The following PAK4 variants were observed in gnomAD, a reference collection of about 807,000 sequenced individuals.
PAK4 encodes the protein p21 (RAC1) activated kinase 4.
In PAK4, 49 loss-of-function variants were observed where a neutral mutation model predicts 53.5. That is an observed-to-expected ratio of 0.92 (90% CI 0.73 to 1.16). The LOEUF (loss-of-function observed/expected upper bound fraction) is 1.16. PAK4 is among the 50% of genes most tolerant of loss of function. PAK4 has a pLI of 0.00. For synonymous variants in PAK4, 376 were observed against 375.6 expected (o/e 1.00, Z -0.01); for missense variants, 824 against 850.7 (o/e 0.97, Z 0.39).
intron 1 of PAK4, among the ~76,000 whole-genome samples, chr19:39,157,928 G>A (rs940723311): frequency 2.0e-5 from 3 of 152,198 alleles, no homozygotes; most frequent in Non-Finnish European, 2.9e-5. Flanking sequence ...CTTAGGACTC[G>A]GCTCTATGTG....
rs753086242 is a variant in PAK4 at position 39,169,590 on chromosome 19, G to T, written c.37G>T (p.Ala13Ser). 1.5e-5 allele frequency: 25 copies of T among 1,613,436 alleles called. No individual in the cohort carries two copies. In the Admixed American group the frequency reaches 1.7e-4, roughly 11 times the overall value. The change falls in exon 2 of 9, where the codon GCG (alanine) becomes TCG (serine). Residue 13 changes from alanine (A) to serine (S), a missense_variant. By Grantham distance (99) the Ala-to-Ser change is moderately conservative. Around this residue, in one of 2 missense-constraint regions of PAK4, gnomAD observed 478 missense variants for 435.8 expected, o/e 1.10. Coordinates refer to ENST00000358301, the Ensembl canonical transcript of PAK4. Reference sequence around the variant, plus strand: ...GAGGAAGAAGCGGGTGGAGATCTCCGCGCCGTCCAACTTCGAGCACCGCGT... The same window carrying T: ...GAGGAAGAAGCGGGTGGAGATCTCCTCGCCGTCCAACTTCGAGCACCGCGT...
At chr19:39,172,849 G>A (rs879641383) in intron 2 of PAK4, 69 bp from the exon 4 acceptor site, 65 of 1,295,722 alleles carry the variant, frequency 5.0e-5, no homozygotes, top group South Asian at 2.0e-4. Context: ...CTGTCCCTGC[G>A]TGTCGGATGC....
At chr19:39,148,242 G>A (rs563758682) in intron 1 of PAK4, among the ~76,000 whole-genome samples, 4 of 150,612 alleles carry the variant, frequency 2.7e-5, no homozygotes, top group African/African-American at 7.3e-5. Context: ...GTGAGCCACC[G>A]TGCCTGGCGA....
At chr19:39,158,045 C>T (rs1568513487) in intron 1 of PAK4, among the ~76,000 whole-genome samples, 1 of 151,248 alleles carries the variant, frequency 6.6e-6, no homozygotes, top group African/African-American at 2.4e-5. Flanking sequence ...TGTATGTGAG[C>T]ATGTATTTGT....
chr19:39,175,219 T>C lies in PAK4; in HGVS notation c.1233-93T>C, dbSNP rs563119400. 6 of 1,481,492 alleles carry C rather than the reference T, an allele frequency of 4.0e-6. No individual in the cohort carries two copies. The highest frequency in any genetic ancestry group is 4.6e-6 in the Non-Finnish European group (5 of 1,092,984). The allele number at this position is 1,481,492 out of a possible 1,614,324, so 91.8% of individuals were successfully genotyped here. A position where few individuals can be genotyped will look rare whatever the true frequency, so the allele number is the denominator to read the frequency against. On this transcript the variant is annotated intron_variant, in intron 5 of 8. Coordinates refer to ENST00000358301, the Ensembl canonical transcript of PAK4. This position sits in a 1 kb window ranked among gnomAD's most constrained non-coding sequence, Gnocchi z 4.7. ...CACTCCAGAGTGGGGTCGAGTGGTC[T>C]CAGATTCCTCCCACTGCAAGGCAGG...
In PAK4 at chr19:39,138,432, C is replaced by T. The variant is rs76026411; in HGVS notation, c.-23+12513C>T. Among the ~76,000 whole-genome samples, 1,204 of 152,326 alleles carry T rather than the reference C, an allele frequency of 7.9e-3. 20 individuals are homozygous for T. The highest frequency in any genetic ancestry group is 0.024 in the African/African-American group (980 of 41,570). On this transcript the variant is annotated intron_variant, in intron 1 of 8. Transcript: ENST00000358301. ...GTCAGTGTATGTACGTGTGCTCGTG[C>T]GCACACACCTGACACTGAGTCTCCC...
At chr19:39,174,121 C>A in intron 4 of PAK4, 111 bp downstream of exon 5, 1 of 731,480 alleles carries the variant, frequency 1.4e-6, no homozygotes, top group Non-Finnish European at 2.3e-6. Flanking sequence ...CCAGGCTCCC[C>A]TCCTCCCCTC....
At chr19:39,170,190 G>A (rs1324835260) in intron 2 of PAK4, among the ~76,000 whole-genome samples, 2 of 152,174 alleles carry the variant, frequency 1.3e-5, no homozygotes, top group Non-Finnish European at 2.9e-5. Flanking sequence ...GAGCCCGGAG[G>A]AGGCACCTGA....
In PAK4 at chr19:39,178,385, G is replaced by T. The variant is rs1211173036; in HGVS notation, c.1621-39G>T. On this transcript the variant is annotated intron_variant, in intron 8 of 8. Transcript: ENST00000358301. The surrounding 1 kb of genome is among the most constrained non-coding windows in gnomAD (Gnocchi z 4.4). ...GCAGCCCTACAGCAAATGAACAGTG[G>T]GGAGCCTCGCCCCCTGACCCTCCCC... 1 of 1,553,502 alleles carries T rather than the reference G, an allele frequency of 6.4e-7. No homozygotes were observed. The highest frequency in any genetic ancestry group is 8.7e-7 in the Non-Finnish European group (1 of 1,149,712).
intron 1 of PAK4, among the ~76,000 whole-genome samples, chr19:39,134,022 C>T (rs2073764177): frequency 6.6e-6 from 1 of 152,226 alleles, no homozygotes; most frequent in Non-Finnish European, 1.5e-5. Context: ...CTGCCCTCCC[C>T]ACAGGAGGCC....
intron 6 of PAK4, chr19:39,176,368 TGGG>T (rs999559712): frequency 5.3e-5 from 32 of 606,312 alleles, no homozygotes; most frequent in South Asian, 7.3e-5. Flanking sequence ...GGGAGGGAAA[TGGG>T]GGGATCGTGG....
chr19:39,165,346 CAAAAAAA>C (rs59682991), intron 1 of PAK4, among the ~76,000 whole-genome samples: 5 of 92,618 alleles, frequency 5.4e-5, no homozygotes, highest in Non-Finnish European at 8.7e-5. Context: ...ACTAAAAATA[CAAAAAAA>C]AAAAAAAAAA....
intron 4 of PAK4, 68 bp from the exon 6 acceptor site, chr19:39,174,863 G>A: frequency 6.3e-7 from 1 of 1,586,514 alleles, no homozygotes; most frequent in Non-Finnish European, 8.6e-7. Context: ...CCAGGGGGGT[G>A]GCGGTGGCTG....
chr19:39,182,482 A>G (rs2074708273), downstream of PAK4: 1 of 152,240 alleles, frequency 6.6e-6, no homozygotes. Flanking sequence ...AGGCAGACCC[A>G]GATGTGTACA....
intron 1 of PAK4, among the ~76,000 whole-genome samples, chr19:39,154,837 T>G (rs2074150398): frequency 6.8e-6 from 1 of 146,730 alleles, no homozygotes. Context: ...GCCTGAGATC[T>G]GGGACTTCTG....
chr19:39,145,530 G>A (rs543587275), intron 1 of PAK4, among the ~76,000 whole-genome samples: 37 of 152,324 alleles, frequency 2.4e-4, no homozygotes, highest in Non-Finnish European at 4.7e-4. Flanking sequence ...ACCCAGGCCC[G>A]CAGCCCCCTG....
chr19:39,130,564 G>T (rs1000975551), intron 1 of PAK4, among the ~76,000 whole-genome samples: 2 of 152,094 alleles, frequency 1.3e-5, no homozygotes, highest in Non-Finnish European at 2.9e-5. Context: ...CGGAATGGTC[G>T]AGGATCATCA....
intron 1 of PAK4, among the ~76,000 whole-genome samples, chr19:39,132,821 G>A (rs2073739418): frequency 6.6e-6 from 1 of 152,212 alleles, no homozygotes; most frequent in Non-Finnish European, 1.5e-5. Context: ...GGAATAGACG[G>A]GTGTCACCTG....
chr19:39,145,222 G>A (rs1313601872), intron 1 of PAK4, among the ~76,000 whole-genome samples: 1 of 151,906 alleles, frequency 6.6e-6, no homozygotes, highest in African/African-American at 2.4e-5. Flanking sequence ...CTTGCTGTGG[G>A]TGCAGCCCCC....
Sources: allele counts gnomAD v4.1 joint callset (sites outside exome capture counted in the v4.1 genomes callset), GRCh38; gene constraint gnomAD v4.1.1; regional missense constraint gnomAD v4.1.1; non-coding constraint Gnocchi (gnomAD v3.1); transcripts MANE v1.5; gene names NCBI Gene and HGNC (gene_info 2026-07-23, HGNC 2026-07-21).